The following ZNF282 variants were observed in gnomAD, a reference collection of about 807,000 sequenced individuals.
ZNF282 encodes the protein zinc finger protein 282.
In ZNF282, 30 loss-of-function variants were observed where a neutral mutation model predicts 61.9. The observed-to-expected ratio is 0.48, with a 90% confidence interval of 0.36 to 0.66. ZNF282 has a LOEUF of 0.66. ZNF282 is among the 30% of genes least tolerant of loss of function. The probability of loss-of-function intolerance (pLI) is 0.00; values close to 1 mark genes in which losing one functional copy is unlikely to be tolerated. For missense variants in ZNF282, 788 were observed against 941.4 expected (o/e 0.84, Z 2.13); for synonymous variants, 396 against 405.0 (o/e 0.98, Z 0.27).
Position 149,224,433 on chromosome 7 carries a change from C to T in ZNF282, c.1802C>T (p.Pro601Leu). 1 of 1,613,968 alleles carries T rather than the reference C, an allele frequency of 6.2e-7. No homozygotes were observed. The highest frequency in any genetic ancestry group is 8.5e-7 in the Non-Finnish European group (1 of 1,179,962). ...CAGCGGCTGCACACGGGCGAGCGGC[C>T]TTTCCAATGTGCACTGTGCGGCAAG... ...NHQRLHTGER[P>L]FQCALCGKSF... Residue 601 changes from proline (P) to leucine (L), a missense_variant, in exon 8 of 8, where the codon CCT (proline) becomes CTT (leucine). By Grantham distance (98) the Pro-to-Leu change is moderately conservative. Coordinates refer to ENST00000610704, the MANE Select transcript of ZNF282 (RefSeq NM_003575.4).
At chr7:149,216,945 G>T (rs1004705729) in intron 7 of ZNF282, among the ~76,000 whole-genome samples, 2 of 152,186 alleles carry the variant, frequency 1.3e-5, no homozygotes, top group African/African-American at 4.8e-5. Flanking sequence ...GATTCAGTTT[G>T]CCCAAAGTTA....
At chr7:149,203,346 C>T (rs1441263735) in intron 2 of ZNF282, among the ~76,000 whole-genome samples, 1 of 152,092 alleles carries the variant, frequency 6.6e-6, no homozygotes, top group East Asian at 1.9e-4. Context: ...GACTTTGCCA[C>T]TTACTGGTTT....
At chr7:149,207,304 GT>G in intron 3 of ZNF282, 46 bp from the exon 4 acceptor site, 1 of 1,563,018 alleles carries the variant, frequency 6.4e-7, no homozygotes, top group South Asian at 1.2e-5. Context: ...TGCTGGATGC[GT>G]TGGTCAACTT....
intron 2 of ZNF282, among the ~76,000 whole-genome samples, chr7:149,200,434 T>G (rs1244069382): frequency 1.3e-5 from 2 of 152,164 alleles, no homozygotes; most frequent in African/African-American, 4.8e-5. Flanking sequence ...CTGAGTCTTT[T>G]CCTACCTCAC....
intron 5 of ZNF282, among the ~76,000 whole-genome samples, chr7:149,211,132 C>T (rs1585568510): frequency 6.6e-6 from 1 of 152,204 alleles, no homozygotes; most frequent in Non-Finnish European, 1.5e-5. Flanking sequence ...GTGCCAGGCA[C>T]CTACATACCT....
chr7:149,199,350 C>G (rs761542734), intron 2 of ZNF282, among the ~76,000 whole-genome samples: 1 of 152,116 alleles, frequency 6.6e-6, no homozygotes, highest in Non-Finnish European at 1.5e-5. Context: ...ATCTGCTGCT[C>G]GGTGGCCACA....
Position 149,223,819 on chromosome 7 carries a change from C to A in ZNF282, c.1188C>A (p.Ser396Arg). 23 of 1,489,304 alleles carry A rather than the reference C, an allele frequency of 1.5e-5. No homozygotes were observed. Among genetic ancestry groups the A allele is most frequent in the Non-Finnish European group, 1.8e-5 (20 of 1,127,190 alleles). 92.3% of individuals were successfully genotyped at this position (1,489,304 alleles called of 1,614,324 possible). ...TTCTTCCTATCTCCCCAGGTGACAG[C>A]CTGCTGATGGTGAAGAACCCACCCC... Reference protein sequence around the residue: ...ELGLDSGPSDSLLMVKNPPPA... With the variant: ...ELGLDSGPSDRLLMVKNPPPA... The change falls in exon 8 of 8, where the codon AGC (serine) becomes AGA (arginine). Residue 396 changes from serine (S) to arginine (R), a missense_variant. By Grantham distance (110) the Ser-to-Arg change is moderately radical. Transcript: ENST00000610704.
chr7:149,196,805 T>G (rs1795824210), intron 1 of ZNF282, among the ~76,000 whole-genome samples: 1 of 152,140 alleles, frequency 6.6e-6, no homozygotes, highest in South Asian at 2.1e-4. Flanking sequence ...CAGCACCTCT[T>G]ACTGGTATTA....
chr7:149,209,020 C>A (rs376103560), intron 4 of ZNF282, among the ~76,000 whole-genome samples: 136 of 61,712 alleles, frequency 2.2e-3, no homozygotes, highest in South Asian at 3.2e-3. Context: ...GACTTCATCT[C>A]AAAAAAAAAA....
intron 7 of ZNF282, among the ~76,000 whole-genome samples, chr7:149,218,192 A>T (rs1430908206): frequency 6.6e-6 from 1 of 151,386 alleles, no homozygotes; most frequent in African/African-American, 2.4e-5. Context: ...GGATTTCAGG[A>T]GTGGATTGGC....
intron 2 of ZNF282, among the ~76,000 whole-genome samples, chr7:149,205,576 TG>T (rs1563176185): frequency 2.0e-5 from 3 of 151,720 alleles, no homozygotes; most frequent in East Asian, 3.9e-4. Context: ...GACAGTGAGT[TG>T]TCAGTCCGTA....
At chr7:149,210,452 T>G in intron 4 of ZNF282, 133 bp from the exon 5 acceptor site, 1 of 1,470,436 alleles carries the variant, frequency 6.8e-7, no homozygotes, top group Non-Finnish European at 9.2e-7. Flanking sequence ...GCCATGCTTC[T>G]GAGCCCAGAA....
chr7:149,209,933 A>G (rs1246546951), intron 4 of ZNF282, among the ~76,000 whole-genome samples: 2 of 152,118 alleles, frequency 1.3e-5, no homozygotes, highest in Non-Finnish European at 2.9e-5. Context: ...TTTCTCATCA[A>G]TGTTATAACT....
rs977863812 is a variant in ZNF282 at position 149,222,533 on chromosome 7, T to C, written c.1181-1279T>C. 3.9e-5 allele frequency among the ~76,000 whole-genome samples: 6 copies of C among 152,312 alleles called. No individual in the cohort carries two copies. The South Asian group carries it at 1.0e-3, about 26-fold the overall frequency. On this transcript the variant is annotated intron_variant, in intron 7 of 7. Coordinates refer to ENST00000610704, the MANE Select transcript of ZNF282 (RefSeq NM_003575.4). ...TGTGTGTGCTGGCTCACATCTGTAATCCCAGCACTTTGGGAGGCCAAGGTG... is the reference window on the plus strand; with the variant it reads ...TGTGTGTGCTGGCTCACATCTGTAACCCCAGCACTTTGGGAGGCCAAGGTG...
rs1465535345 is a variant in ZNF282 at position 149,212,213 on chromosome 7, C to T, written c.953-145C>T. ...TTAATTGGGGCCAAGCTGACTTCAA[C>T]CTTTAGTTAATGAGACTTATGTAAT... On this transcript the variant is annotated intron_variant, in intron 5 of 7. Coordinates refer to ENST00000610704, the MANE Select transcript of ZNF282 (RefSeq NM_003575.4). The T allele has an allele frequency of 1.2e-5, 7 of 569,920 alleles. No individual in the cohort carries two copies. In the East Asian group the frequency reaches 1.9e-4, roughly 15 times the overall value. The allele number at this position is 569,920 out of a possible 1,614,324, so 35.3% of individuals were successfully genotyped here. A position where few individuals can be genotyped will look rare whatever the true frequency, so the allele number is the denominator to read the frequency against.
In ZNF282 at chr7:149,198,717, C is replaced by T. The variant is rs1408813924; in HGVS notation, c.550C>T (p.Arg184Trp). 3 of 1,613,624 alleles carry T rather than the reference C, an allele frequency of 1.9e-6. No individual in the cohort carries two copies. Among genetic ancestry groups the T allele is most frequent in the Non-Finnish European group, 2.5e-6 (3 of 1,179,882 alleles). The change falls in exon 2 of 8, where the codon CGG becomes TGG. Residue 184 changes from arginine (R) to tryptophan (W), a missense_variant. Arg to Trp is a moderately radical substitution (Grantham distance 101). Around this residue, in one of 3 missense-constraint regions of ZNF282, gnomAD observed 92 missense variants for 163.9 expected, o/e 0.56. Transcript: ENST00000610704. The surrounding 1 kb of genome is among the most constrained non-coding windows in gnomAD (Gnocchi z 4.3). ...LLRNRNFWVL[R>W]LPPGSKGEAP... ...GCGCAACAGGAACTTCTGGGTCCTG[C>T]GGCTGCCCCCGGGCAGCAAGGGGGA...
rs189130287 is a variant in ZNF282 at position 149,205,620 on chromosome 7, C to T, written c.586-1076C>T. Among the ~76,000 whole-genome samples, 726 of 152,208 alleles carry T rather than the reference C, an allele frequency of 4.8e-3. 5 individuals are homozygous for T. The highest frequency in any genetic ancestry group is 4.9e-3 in the Non-Finnish European group (334 of 68,018). ...GGCCATGGCACTGAGGTGTAGACAT[C>T]GCACCTGCGCATGGCATTCTCAGAG... On this transcript the variant is annotated intron_variant, in intron 2 of 7. Coordinates refer to ENST00000610704, the MANE Select transcript of ZNF282 (RefSeq NM_003575.4).
chr7:149,211,631 G>A (rs970288912), intron 5 of ZNF282, among the ~76,000 whole-genome samples: 1 of 152,162 alleles, frequency 6.6e-6, no homozygotes, highest in African/African-American at 2.4e-5. Flanking sequence ...CAACAATCAT[G>A]AGACATATTA....
chr7:149,206,594 G>A, intron 2 of ZNF282, 102 bp from the exon 3 acceptor site: 2 of 1,566,900 alleles, frequency 1.3e-6, no homozygotes, highest in Admixed American at 1.8e-5. Context: ...GGAGAGCAAA[G>A]GCCGGGCTTT....
Sources: allele counts gnomAD v4.1 joint callset (sites outside exome capture counted in the v4.1 genomes callset), GRCh38; gene constraint gnomAD v4.1.1; regional missense constraint gnomAD v4.1.1; non-coding constraint Gnocchi (gnomAD v3.1); transcripts MANE v1.5; gene names NCBI Gene and HGNC (gene_info 2026-07-23, HGNC 2026-07-21).